The following SLC38A12 variants were observed in gnomAD, a reference collection of about 807,000 sequenced individuals.
The protein encoded by SLC38A12 is putative sodium-coupled neutral amino acid transporter 12.
At chr17:74,820,715 G>A in the SLC38A12 span, among the ~76,000 whole-genome samples, 1 of 152,192 alleles carries the variant, frequency 6.6e-6, no homozygotes, top group African/African-American at 2.4e-5. Context: ...CTTGGCTCTA[G>A]AGGAGCCAAG....
chr17:74,776,535 G>C, the SLC38A12 span: 1 of 152,334 alleles, frequency 6.6e-6, no homozygotes, highest in African/African-American at 2.4e-5. Flanking sequence ...CGGCAGCAGC[G>C]GACCGGCGGG....
At chr17:74,788,875 G>A in the SLC38A12 span, 18 of 1,612,530 alleles carry the variant, frequency 1.1e-5, no homozygotes, top group Non-Finnish European at 1.4e-5. Context: ...CTCAAGGTGT[G>A]TGTGTTGCCC....
the SLC38A12 span, among the ~76,000 whole-genome samples, chr17:74,792,001 C>A: frequency 1.3e-5 from 2 of 151,518 alleles, no homozygotes; most frequent in African/African-American, 4.9e-5. Context: ...AAAAAATTAG[C>A]CGGGCATGGT....
At chr17:74,785,411 G>T in the SLC38A12 span, 1 of 1,567,406 alleles carries the variant, frequency 6.4e-7, no homozygotes, top group Non-Finnish European at 8.7e-7. Context: ...CACCAGGGTC[G>T]TTCCTTGGGA....
At chr17:74,832,445 A>C in the SLC38A12 span, among the ~76,000 whole-genome samples, 1 of 152,092 alleles carries the variant, frequency 6.6e-6, no homozygotes, top group Non-Finnish European at 1.5e-5. Flanking sequence ...AACTGGGGCC[A>C]TTTCCACTGG....
chr17:74,820,290 C>T, the SLC38A12 span, among the ~76,000 whole-genome samples: 2 of 152,214 alleles, frequency 1.3e-5, no homozygotes, highest in East Asian at 1.9e-4. Context: ...TAAAAGCCAG[C>T]GGGCCATGGC....
chr17:74,821,093 G>A, the SLC38A12 span, among the ~76,000 whole-genome samples: 2 of 152,222 alleles, frequency 1.3e-5, no homozygotes, highest in South Asian at 4.1e-4. Flanking sequence ...GCTCACGACT[G>A]GATGAGGCTC....
chr17:74,836,563 G>T, the SLC38A12 span: 2 of 1,613,346 alleles, frequency 1.2e-6, no homozygotes, highest in Non-Finnish European at 1.7e-6. This position sits in a 1 kb window ranked among gnomAD's most constrained non-coding sequence, Gnocchi z 4.2. Context: ...TTTGGCTGTG[G>T]GGTCAGCAAC....
the SLC38A12 span, chr17:74,788,934 T>C: frequency 6.8e-7 from 1 of 1,464,808 alleles, no homozygotes; most frequent in Non-Finnish European, 9.3e-7. Context: ...GCAGGCGGTC[T>C]CAGCAGCCCA....
the SLC38A12 span, among the ~76,000 whole-genome samples, chr17:74,829,960 C>A: frequency 6.6e-6 from 1 of 152,228 alleles, no homozygotes; most frequent in Non-Finnish European, 1.5e-5. This position sits in a 1 kb window ranked among gnomAD's most constrained non-coding sequence, Gnocchi z 4.1. Context: ...TCCGTACCTG[C>A]AGCTCAGCCA....
chr17:74,787,740 C>T, the SLC38A12 span, among the ~76,000 whole-genome samples: 1 of 152,064 alleles, frequency 6.6e-6, no homozygotes, highest in Non-Finnish European at 1.5e-5. Flanking sequence ...ACTTCTGTAT[C>T]CTCCGTTAAC....
the SLC38A12 span, among the ~76,000 whole-genome samples, chr17:74,800,116 C>G: frequency 1.3e-5 from 2 of 152,254 alleles, no homozygotes; most frequent in African/African-American, 2.4e-5. Context: ...TCAGCTCTGT[C>G]CTGCCCTGGT....
chr17:74,839,644 C>T, the SLC38A12 span: 128 of 156,234 alleles, frequency 8.2e-4, no homozygotes, highest in Non-Finnish European at 1.4e-3. Context: ...GTGACCTGTC[C>T]TCCCTCATTT....
the SLC38A12 span, among the ~76,000 whole-genome samples, chr17:74,823,147 C>G: frequency 1.3e-5 from 2 of 152,214 alleles, no homozygotes; most frequent in South Asian, 4.1e-4. Flanking sequence ...CGCCGCACCC[C>G]TTCCTCTCCC....
At chr17:74,795,237 C>G in the SLC38A12 span, 1 of 805,334 alleles carries the variant, frequency 1.2e-6, no homozygotes, top group Non-Finnish European at 2.1e-6. Context: ...ATGCAGATGC[C>G]CAGGCCCTTT....
the SLC38A12 span, chr17:74,788,796 AC>A: frequency 6.2e-7 from 1 of 1,612,986 alleles, no homozygotes; most frequent in Non-Finnish European, 8.5e-7. Flanking sequence ...CAGCTTCGTG[AC>A]CACCACCTTT....
the SLC38A12 span, among the ~76,000 whole-genome samples, chr17:74,813,184 T>C: frequency 3.9e-5 from 6 of 152,204 alleles, no homozygotes; most frequent in Non-Finnish European, 2.9e-5. Context: ...CGTGCTTCCC[T>C]GGTCACTGCT....
the SLC38A12 span, among the ~76,000 whole-genome samples, chr17:74,820,851 G>T: frequency 6.6e-6 from 1 of 152,200 alleles, no homozygotes; most frequent in African/African-American, 2.4e-5. Context: ...TCAGCAGCGG[G>T]TCATGGTCGC....
chr17:74,796,518 G>A, the SLC38A12 span, among the ~76,000 whole-genome samples: 1 of 152,192 alleles, frequency 6.6e-6, no homozygotes, highest in Admixed American at 6.5e-5. Context: ...GCTATTTGGG[G>A]CTGGATTTCT....
Sources: gnomAD v4.1 joint callset for allele counts (sites outside exome capture counted in the v4.1 genomes callset) on GRCh38, gnomAD v4.1.1 for gene constraint, Gnocchi (gnomAD v3.1) non-coding constraint, MANE v1.5 for transcripts, NCBI Gene and HGNC (gene_info 2026-07-23, HGNC 2026-07-21) for gene names.